DIMT1: variants seen among roughly 807,000 people sequenced by gnomAD.
The protein encoded by DIMT1 is dimethyladenosine transferase.
Under a neutral mutation model 43.2 loss-of-function variants are expected in DIMT1, and 36 were observed. The ratio of observed to expected loss-of-function variants is 0.83; its 90% CI spans 0.64 to 1.10. DIMT1 has a LOEUF of 1.10. Among genes scored for constraint, DIMT1 ranks in the 50% least tolerant of loss-of-function variants. The pLI is 0.00. For missense variants in DIMT1, 341 were observed against 385.3 expected (o/e 0.88, Z 0.96); for synonymous variants, 126 against 130.3 (o/e 0.97, Z 0.22).
intron 11 of DIMT1, among the ~76,000 whole-genome samples, chr5:62,389,375 A>G (rs1742184726): frequency 6.6e-6 from 1 of 150,378 alleles, no homozygotes. Flanking sequence ...AATCCCAGCT[A>G]CTCGGGTGGT....
chr5:62,398,647 T>G lies in DIMT1; in HGVS notation c.395A>C (p.Gln132Pro). The G allele has an allele frequency of 6.2e-7, 1 of 1,614,190 alleles. No individual in the cohort carries two copies. The highest frequency in any genetic ancestry group is 8.5e-7 in the Non-Finnish European group (1 of 1,180,022). The change falls in exon 5 of 12, where the codon CAG becomes CCG. Residue 132 changes from glutamine (Q) to proline (P), a missense_variant and splice_region_variant. Transcript: ENST00000199320. Reference sequence around the variant, plus strand: ...GTTCCTGAAAATGTGAGGACATACCTGATAAGGCAAATTTGCCACACAAGT... The same window carrying G: ...GTTCCTGAAAATGTGAGGACATACCGGATAAGGCAAATTTGCCACACAAGT... Reference protein sequence around the residue: ...FDTCVANLPYQISSPFVFKLL... With the variant: ...FDTCVANLPYPISSPFVFKLL...
rs1742586383 is a variant in DIMT1, at chr5:62,398,644, AC to A, written c.396+1del. 2 of 1,614,098 alleles carry A rather than the reference AC, an allele frequency of 1.2e-6. No individual in the cohort carries two copies. Among genetic ancestry groups the A allele is most frequent in the African/African-American group, 2.7e-5 (2 of 74,950 alleles). The stretch of plus-strand genomic sequence containing the variant: ...GATGTTCCTGAAAATGTGAGGACAT[AC>A]CTGATAAGGCAAATTTGCCACACAA... On this transcript the variant is annotated splice_donor_variant, in intron 5 of 11. Coordinates refer to ENST00000199320, the MANE Select transcript of DIMT1 (RefSeq NM_014473.4). LOFTEE classifies it high-confidence loss of function.
intron 6 of DIMT1, among the ~76,000 whole-genome samples, chr5:62,396,482 C>T (rs553885835): frequency 2.6e-5 from 4 of 151,964 alleles, no homozygotes; most frequent in Admixed American, 6.6e-5. Context: ...CTCTCCAGCC[C>T]GGGCACCAGA....
chr5:62,403,229 A>C, intron 2 of DIMT1, 44 bp downstream of exon 2: 1 of 1,566,354 alleles, frequency 6.4e-7, no homozygotes, highest in Non-Finnish European at 8.8e-7. Context: ...TAGGAATAAA[A>C]TTAATAAACC....
chr5:62,393,426 AAAG>A (rs1290435045), intron 8 of DIMT1, among the ~76,000 whole-genome samples: 1 of 152,196 alleles, frequency 6.6e-6, no homozygotes, highest in Non-Finnish European at 1.5e-5. Context: ...ACATCTGAAC[AAAG>A]AACATGGCGT....
intron 6 of DIMT1, among the ~76,000 whole-genome samples, chr5:62,397,615 T>C (rs1006470703): frequency 2.0e-5 from 3 of 152,180 alleles, no homozygotes; most frequent in African/African-American, 7.2e-5. Flanking sequence ...TATCCATTAG[T>C]AAACTGCTGA....
rs1000767420 is a variant in DIMT1 at position 62,391,793 on chromosome 5, G to A, written c.792+378C>T. ...ATAACTATATTTGTAACTGCTATGTGAGCAAGAAACAAGACGTGGTCACAA... is the reference window on the plus strand; with the variant it reads ...ATAACTATATTTGTAACTGCTATGTAAGCAAGAAACAAGACGTGGTCACAA... On this transcript the variant is annotated intron_variant, in intron 10 of 11. Coordinates refer to ENST00000199320, the MANE Select transcript of DIMT1 (RefSeq NM_014473.4). The A allele has an allele frequency of 1.0e-5, 14 of 1,404,108 alleles. No individual in the cohort carries two copies. In the Middle Eastern group the frequency reaches 9.2e-4, roughly 92 times the overall value. 87.0% of individuals were successfully genotyped at this position (1,404,108 alleles called of 1,614,324 possible). A position where few individuals can be genotyped will look rare whatever the true frequency, so the allele number is the denominator to read the frequency against.
rs747075842 is a variant in DIMT1 at position 62,403,333 on chromosome 5, G to A, written c.93C>T (p.Asn31=). 37 of 1,613,898 alleles carry A rather than the reference G, an allele frequency of 2.3e-5. No individual in the cohort carries two copies. The highest frequency in any genetic ancestry group is 3.1e-5 in the Non-Finnish European group (37 of 1,179,836). ...ELKSAGGLMF[N]TGIGQHILKN... is the part of the protein sequence containing the mutation. ...TCAAAATGTGCTGCCCAATCCCCGT[G>A]TTGAACATGAGTCCTGTAAGAAAAT... Residue 31 remains asparagine, a synonymous_variant, in exon 2 of 12, where the codon AAC becomes AAT. Transcript: ENST00000199320.
At chr5:62,395,758 C>G (rs1359185742) in intron 6 of DIMT1, among the ~76,000 whole-genome samples, 1 of 152,136 alleles carries the variant, frequency 6.6e-6, no homozygotes, top group Non-Finnish European at 1.5e-5. Flanking sequence ...ATCCACAGCA[C>G]TTTAGGAGGC....
intron 3 of DIMT1, among the ~76,000 whole-genome samples, chr5:62,400,467 G>T (rs1475376377): frequency 6.6e-6 from 1 of 152,012 alleles, no homozygotes; most frequent in Non-Finnish European, 1.5e-5. Flanking sequence ...GCCCGGGCTG[G>T]TCTCAAAACT....
intron 2 of DIMT1, 109 bp downstream of exon 2, chr5:62,403,164 A>G: frequency 1.0e-6 from 1 of 952,736 alleles, no homozygotes; most frequent in South Asian, 1.4e-5. Context: ...CATTCAACAA[A>G]TATTTACAGA....
chr5:62,394,467 A>C lies in DIMT1; in HGVS notation c.570+17T>G. 1 of 1,613,690 alleles carries C rather than the reference A, an allele frequency of 6.2e-7. No homozygotes were observed. The highest frequency in any genetic ancestry group is 2.2e-5 in the East Asian group (1 of 44,872). On this transcript the variant is annotated intron_variant, in intron 7 of 11. Transcript: ENST00000199320. ...TTCTATCTCAGAAAAAAGAGAAAGA[A>C]AACAAAATTCACTTACTTTCATTAG...
intron 11 of DIMT1, among the ~76,000 whole-genome samples, 159 bp downstream of exon 11, chr5:62,390,717 C>T (rs1487867165): frequency 1.3e-5 from 2 of 152,122 alleles, no homozygotes; most frequent in African/African-American, 4.8e-5. Flanking sequence ...GCTAACTAGC[C>T]TCCATCTTCT....
intron 11 of DIMT1, among the ~76,000 whole-genome samples, chr5:62,390,002 A>G (rs1742230192): frequency 6.6e-6 from 1 of 152,246 alleles, no homozygotes; most frequent in African/African-American, 2.4e-5. Context: ...AACATCTAAA[A>G]TGACTCAGTA....
At chr5:62,403,612 C>T in intron 1 of DIMT1, 82 bp downstream of exon 1, 1 of 1,485,926 alleles carries the variant, frequency 6.7e-7, no homozygotes. Context: ...CTCTGCCGAT[C>T]AGGTCTTGGT....
intron 6 of DIMT1, among the ~76,000 whole-genome samples, chr5:62,396,844 G>C (rs1299836736): frequency 1.3e-5 from 2 of 152,158 alleles, no homozygotes; most frequent in Non-Finnish European, 2.9e-5. Context: ...TCCGTTTCTT[G>C]GTAGGCATCA....
Position 62,388,965 on chromosome 5 carries a change from A to G in DIMT1, c.*45T>C. The G allele has an allele frequency of 6.4e-7, 1 of 1,553,958 alleles. No homozygotes were observed. The highest frequency in any genetic ancestry group is 8.8e-7 in the Non-Finnish European group (1 of 1,133,784). On this transcript the variant is annotated 3_prime_UTR_variant, in exon 12 of 12. Coordinates refer to ENST00000199320, the MANE Select transcript of DIMT1 (RefSeq NM_014473.4). ...TCTTCTCAAATACAAAAAATACAAA[A>G]TTCATTTCTTTTCTTGACCTTGAAA...
intron 10 of DIMT1, chr5:62,391,718 C>G (rs1303695378): frequency 1.5e-6 from 2 of 1,304,850 alleles, no homozygotes; most frequent in Non-Finnish European, 1.9e-6. Context: ...AACCAGAAAT[C>G]TGCTATTGAG....
At chr5:62,392,740 C>G (rs868268222) in intron 9 of DIMT1, 186 bp downstream of exon 9, 33 of 463,278 alleles carry the variant, frequency 7.1e-5, no homozygotes, top group African/African-American at 5.9e-4. Flanking sequence ...ACTCTCAACT[C>G]CAGCAAACTT....
Sources: allele counts gnomAD v4.1 joint callset (sites outside exome capture counted in the v4.1 genomes callset), GRCh38; gene constraint gnomAD v4.1.1; transcripts MANE v1.5; gene names NCBI Gene and HGNC (gene_info 2026-07-23, HGNC 2026-07-21).